SMYD3: variants seen among roughly 807,000 people sequenced by gnomAD.
The protein encoded by SMYD3 is SET and MYND domain containing 3.
SMYD3 carries 36 observed loss-of-function variants against 57.7 expected under a neutral mutation model. That is an observed-to-expected ratio of 0.62 (90% CI 0.48 to 0.82). The LOEUF is 0.82. Ranked by LOEUF, SMYD3 falls within the 40% of genes least tolerant of loss-of-function variation. The pLI, the probability that SMYD3 is intolerant of heterozygous loss-of-function variation, is 0.00. For missense variants in SMYD3, 515 were observed against 538.8 expected (o/e 0.96, Z 0.44); for synonymous variants, 211 against 195.0 (o/e 1.08, Z -0.68).
chr1:246,154,379 C>G (rs990629975), intron 5 of SMYD3, among the ~76,000 whole-genome samples: 1 of 152,198 alleles, frequency 6.6e-6, no homozygotes, highest in African/African-American at 2.4e-5. Context: ...AGTGAGAGAT[C>G]TGTTTATACC....
At chr1:246,174,926 A>G (rs551831877) in intron 5 of SMYD3, among the ~76,000 whole-genome samples, 1 of 152,308 alleles carries the variant, frequency 6.6e-6, no homozygotes, top group African/African-American at 2.4e-5. Context: ...GAAATATCTA[A>G]AATATTACAA....
At chr1:246,034,873 C>T (rs1424644142) in intron 5 of SMYD3, among the ~76,000 whole-genome samples, 1 of 152,152 alleles carries the variant, frequency 6.6e-6, no homozygotes, top group South Asian at 2.1e-4. Context: ...TGCCAGATCC[C>T]TGCCGCACAA....
intron 7 of SMYD3, among the ~76,000 whole-genome samples, chr1:245,921,671 T>C (rs2147806397): frequency 6.6e-6 from 1 of 152,086 alleles, no homozygotes; most frequent in East Asian, 1.9e-4. Flanking sequence ...AGCAAATCAA[T>C]GCAGAAACAG....
chr1:245,977,799 T>C (rs1413776133), intron 5 of SMYD3, among the ~76,000 whole-genome samples: 2 of 152,246 alleles, frequency 1.3e-5, no homozygotes, highest in Non-Finnish European at 2.9e-5. Context: ...TGCCCTGTTA[T>C]TAACACCTCT....
At chr1:246,146,049 G>A (rs1011015517) in intron 5 of SMYD3, among the ~76,000 whole-genome samples, 2 of 152,118 alleles carry the variant, frequency 1.3e-5, no homozygotes, top group Non-Finnish European at 2.9e-5. Context: ...CAGGCTGATC[G>A]AAGTGCCAAT....
At chr1:245,773,314 A>G (rs2046415144) in intron 10 of SMYD3, among the ~76,000 whole-genome samples, 1 of 152,238 alleles carries the variant, frequency 6.6e-6, no homozygotes, top group African/African-American at 2.4e-5. Context: ...TGCAGATAGG[A>G]CTAAGCATCC....
chr1:246,246,503 T>C (rs1205451859), intron 5 of SMYD3, among the ~76,000 whole-genome samples: 2 of 152,206 alleles, frequency 1.3e-5, no homozygotes, highest in East Asian at 1.9e-4. Flanking sequence ...GAGTATATTA[T>C]TTCAAGTGAG....
rs1432951555 is a variant in SMYD3, at chr1:246,275,447, G to A, written c.531+51754C>T. Among the ~76,000 whole-genome samples the A allele has an allele frequency of 4.1e-4, 43 of 103,624 alleles. 1 individual carries two copies. Among genetic ancestry groups the A allele is most frequent in the Admixed American group, 2.7e-3 (28 of 10,274 alleles). 68.0% of individuals were successfully genotyped at this position (103,624 alleles called of 152,430 possible). ...ATGCCCATGTTTGAATACTAACTCC[G>A]TTTTTTACTAGCTGTATTAACACTG... is the stretch of plus-strand genomic sequence containing the variant. On this transcript the variant is annotated intron_variant, in intron 5 of 11. Transcript: ENST00000490107.
At chr1:245,793,186 G>C (rs1028811139) in intron 10 of SMYD3, among the ~76,000 whole-genome samples, 1 of 150,948 alleles carries the variant, frequency 6.6e-6, no homozygotes, top group Admixed American at 6.6e-5. Context: ...GCGGGTGCCT[G>C]TAGTCCCAGC....
Position 246,377,745 on chromosome 1 carries a change from C to T in SMYD3, c.165-22651G>A, listed in dbSNP as rs368640954. On this transcript the variant is annotated intron_variant, in intron 1 of 11. Transcript: ENST00000490107. ...TCCCATGGGTACTCCCAGAGGCCTC[C>T]GGACTCCACTCTCATTCCATTTCTT... Among the ~76,000 whole-genome samples the T allele has an allele frequency of 5.3e-5, 8 of 152,158 alleles. No homozygotes were observed. The East Asian group carries it at 1.2e-3, about 22-fold the overall frequency.
intron 5 of SMYD3, among the ~76,000 whole-genome samples, chr1:246,020,824 T>C (rs1468564013): frequency 6.6e-6 from 1 of 152,166 alleles, no homozygotes; most frequent in Non-Finnish European, 1.5e-5. Context: ...CTCATGGTCT[T>C]AACCACTTTT....
At chr1:245,772,831 G>A (rs750048932) in intron 10 of SMYD3, among the ~76,000 whole-genome samples, 7 of 152,010 alleles carry the variant, frequency 4.6e-5, no homozygotes, top group Non-Finnish European at 1.0e-4. Flanking sequence ...GAGCACAGAG[G>A]GTAGGAAAGC....
At chr1:246,506,994 C>CA in intron 1 of SMYD3, 60 bp downstream of exon 1, 1 of 894,064 alleles carries the variant, frequency 1.1e-6, no homozygotes, top group Non-Finnish European at 1.5e-6. Context: ...CCGACGCCCC[C>CA]CCCTCCCCAG....
At chr1:245,751,192 T>C (rs1373414912) in intron 11 of SMYD3, among the ~76,000 whole-genome samples, 1 of 152,246 alleles carries the variant, frequency 6.6e-6, no homozygotes, top group African/African-American at 2.4e-5. Flanking sequence ...TATTAGGATA[T>C]GATGCAGACC....
rs531348982 is a variant in SMYD3, at chr1:246,037,799, A to T, written c.532-107862T>A. On this transcript the variant is annotated intron_variant, in intron 5 of 11. Coordinates refer to ENST00000490107, the MANE Select transcript of SMYD3 (RefSeq NM_001167740.2). The stretch of plus-strand genomic sequence containing the variant: ...GCTTTGTTTTCCTGAGACACTAACA[A>T]ACATATCTCCTGCCTATTTTTCTAC... 3.9e-5 allele frequency among the ~76,000 whole-genome samples: 6 copies of T among 152,318 alleles called. No individual in the cohort carries two copies. The South Asian group carries it at 1.2e-3, about 32-fold the overall frequency.
intron 5 of SMYD3, among the ~76,000 whole-genome samples, chr1:246,238,021 G>A (rs980230478): frequency 6.6e-6 from 1 of 152,006 alleles, no homozygotes; most frequent in Non-Finnish European, 1.5e-5. Flanking sequence ...ATTTTCTAAA[G>A]AGTATCTTCT....
Position 245,816,825 on chromosome 1 carries a change from T to C in SMYD3, c.1076+41671A>G, listed in dbSNP as rs532232586. ...AAATCGGGTCACTCCCACCCGAATA[T>C]TGCGCTTTTCGGACCGGCCTAAAAA... On this transcript the variant is annotated intron_variant, in intron 10 of 11. Coordinates refer to ENST00000490107, the MANE Select transcript of SMYD3 (RefSeq NM_001167740.2). Among the ~76,000 whole-genome samples, 310 of 152,224 alleles carry C rather than the reference T, an allele frequency of 2.0e-3. 2 individuals carry two copies. Among genetic ancestry groups the C allele is most frequent in the Non-Finnish European group, 4.0e-3 (270 of 68,018 alleles).
intron 5 of SMYD3, among the ~76,000 whole-genome samples, chr1:245,940,157 G>A (rs1325038507): frequency 6.6e-6 from 1 of 152,192 alleles, no homozygotes; most frequent in Non-Finnish European, 1.5e-5. Context: ...GCACTGGGGG[G>A]AGGGGCAGCT....
At chr1:245,964,872 A>C (rs1269253375) in intron 5 of SMYD3, among the ~76,000 whole-genome samples, 1 of 152,098 alleles carries the variant, frequency 6.6e-6, no homozygotes, top group African/African-American at 2.4e-5. Context: ...GGAATATTAG[A>C]AAGAGAATAA....
Sources: allele counts gnomAD v4.1 joint callset (sites outside exome capture counted in the v4.1 genomes callset), GRCh38; gene constraint gnomAD v4.1.1; transcripts MANE v1.5; gene names NCBI Gene and HGNC (gene_info 2026-07-23, HGNC 2026-07-21).